The following HSD17B12 variants were observed in gnomAD, a reference collection of about 807,000 sequenced individuals.
HSD17B12 encodes hydroxysteroid 17-beta dehydrogenase 12.
A neutral mutation model predicts 39.3 loss-of-function variants in HSD17B12; 32 were observed. The ratio of observed to expected loss-of-function variants is 0.81; its 90% confidence interval spans 0.61 to 1.09. HSD17B12 has a LOEUF of 1.09. Ranked by LOEUF, HSD17B12 falls within the 50% of genes least tolerant of loss-of-function variation. The pLI, the probability that HSD17B12 is intolerant of heterozygous loss-of-function variation, is 0.00. For synonymous variants in HSD17B12, 150 were observed against 146.7 expected (o/e 1.02, Z -0.16); for missense variants, 342 against 382.9 (o/e 0.89, Z 0.89).
chr11:43,790,509 A>G (rs922623223), intron 3 of HSD17B12, among the ~76,000 whole-genome samples: 2 of 152,196 alleles, frequency 1.3e-5, no homozygotes, highest in Middle Eastern at 3.2e-3. Context: ...GAAACTGTGG[A>G]TAGTGCTGAA....
At chr11:43,588,859 T>C in the HSD17B12 span, among the ~76,000 whole-genome samples, 3 of 151,980 alleles carry the variant, frequency 2.0e-5, no homozygotes, top group South Asian at 6.2e-4. Flanking sequence ...ACTTTATGTG[T>C]CCCTACATGA....
intron 7 of HSD17B12, chr11:43,833,392 C>T (rs1452052808): frequency 1.3e-5 from 2 of 152,122 alleles, no homozygotes; most frequent in Non-Finnish European, 2.9e-5. Flanking sequence ...GGGGCGTCAT[C>T]ATTTTCTAGG....
chr11:43,678,417 T>A (rs967821243), upstream of HSD17B12, among the ~76,000 whole-genome samples: 1 of 152,224 alleles, frequency 6.6e-6, no homozygotes, highest in African/African-American at 2.4e-5. Context: ...TCTTTTGCTG[T>A]GCAGAAGCTC....
At chr11:43,797,238 T>C (rs895021614) in intron 3 of HSD17B12, among the ~76,000 whole-genome samples, 11 of 152,222 alleles carry the variant, frequency 7.2e-5, no homozygotes, top group African/African-American at 2.7e-4. Flanking sequence ...TGAGCTGACA[T>C]TGACTTTGAC....
chr11:43,695,552 T>A (rs1181262953), intron 1 of HSD17B12, among the ~76,000 whole-genome samples: 2 of 152,214 alleles, frequency 1.3e-5, no homozygotes, highest in Non-Finnish European at 2.9e-5. Flanking sequence ...CACTCTCGCC[T>A]GGGCAACAAG....
At chr11:43,574,971 G>C in the HSD17B12 span, among the ~76,000 whole-genome samples, 2 of 152,180 alleles carry the variant, frequency 1.3e-5, no homozygotes, top group South Asian at 4.1e-4. Flanking sequence ...GAGAGCAGAG[G>C]GGAAAGCCGC....
At chr11:43,560,291 C>T in the HSD17B12 span, among the ~76,000 whole-genome samples, 6 of 152,278 alleles carry the variant, frequency 3.9e-5, no homozygotes, top group East Asian at 1.2e-3. Context: ...GATACAAGCG[C>T]TTTGTACCAG....
upstream of HSD17B12, among the ~76,000 whole-genome samples, chr11:43,676,463 G>A (rs1325621163): frequency 1.3e-5 from 2 of 152,094 alleles, no homozygotes; most frequent in African/African-American, 4.8e-5. Flanking sequence ...AAAGAGAGCT[G>A]GGGTCTGAGC....
intron 9 of HSD17B12, among the ~76,000 whole-genome samples, chr11:43,844,708 G>C (rs945496425): frequency 6.6e-6 from 1 of 152,180 alleles, no homozygotes; most frequent in Non-Finnish European, 1.5e-5. Flanking sequence ...AAGTAGCTAA[G>C]ACTAAGACTA....
intron 1 of HSD17B12, among the ~76,000 whole-genome samples, chr11:43,732,956 G>A (rs1950283275): frequency 6.6e-6 from 1 of 152,172 alleles, no homozygotes. Flanking sequence ...TTAAAAAGTG[G>A]CTGATGGGAA....
At chr11:43,558,570 A>G in the HSD17B12 span, among the ~76,000 whole-genome samples, 1 of 151,974 alleles carries the variant, frequency 6.6e-6, no homozygotes, top group East Asian at 1.9e-4. Context: ...CAGGGGGAGG[A>G]GGGAATACCC....
chr11:43,733,841 A>G (rs1160684598), intron 1 of HSD17B12: 16 of 682,628 alleles, frequency 2.3e-5, no homozygotes, highest in Non-Finnish European at 3.8e-5. Flanking sequence ...TCTGCCTTAT[A>G]TAATGTGGAT....
chr11:43,703,025 G>T (rs564564952), intron 1 of HSD17B12, among the ~76,000 whole-genome samples: 52 of 151,650 alleles, frequency 3.4e-4, no homozygotes, highest in East Asian at 9.7e-4. Context: ...TCCTTTTTTT[G>T]TTGTTGTTGT....
the HSD17B12 span, among the ~76,000 whole-genome samples, chr11:43,565,148 C>T: frequency 3.3e-5 from 5 of 152,170 alleles, no homozygotes; most frequent in Non-Finnish European, 7.4e-5. Flanking sequence ...GATCCACCTG[C>T]GTTGGCCTCC....
chr11:43,615,312 C>A, the HSD17B12 span, among the ~76,000 whole-genome samples: 1 of 152,328 alleles, frequency 6.6e-6, no homozygotes, highest in South Asian at 2.1e-4. Flanking sequence ...TCTTCCTACC[C>A]TGTGTAATTT....
chr11:43,814,991 G>T (rs1951108358), intron 4 of HSD17B12, among the ~76,000 whole-genome samples: 1 of 152,136 alleles, frequency 6.6e-6, no homozygotes, highest in Admixed American at 6.5e-5. Flanking sequence ...TATTGTACAT[G>T]ACTTATCCCA....
the HSD17B12 span, among the ~76,000 whole-genome samples, chr11:43,609,639 G>A: frequency 2.6e-5 from 4 of 152,048 alleles, no homozygotes; most frequent in Non-Finnish European, 4.4e-5. Context: ...CAAAGTGCTG[G>A]GATTAGAGAC....
At chr11:43,640,895 T>G in the HSD17B12 span, 3 of 151,750 alleles carry the variant, frequency 2.0e-5, no homozygotes, top group African/African-American at 7.2e-5. Context: ...CCATCATGAT[T>G]TTTTACAGAA....
At chr11:43,826,065 T>G (rs1191055361) in intron 6 of HSD17B12, among the ~76,000 whole-genome samples, 1 of 149,028 alleles carries the variant, frequency 6.7e-6, no homozygotes, top group Non-Finnish European at 1.5e-5. Flanking sequence ...TGATTGTATA[T>G]GCAGTCTTTT....
Sources: allele counts gnomAD v4.1 joint callset (sites outside exome capture counted in the v4.1 genomes callset), GRCh38; gene constraint gnomAD v4.1.1; transcripts MANE v1.5; gene names NCBI Gene and HGNC (gene_info 2026-07-23, HGNC 2026-07-21).